The following AHRR variants were observed in gnomAD, a reference collection of about 807,000 sequenced individuals.
The protein encoded by AHRR is ahR repressor.
Under a neutral mutation model 44.0 loss-of-function variants are expected in AHRR, and 28 were observed. That is an observed-to-expected ratio of 0.64 (90% CI 0.47 to 0.87). The LOEUF is 0.87. Ranked by LOEUF, AHRR falls within the 40% of genes least tolerant of loss-of-function variation. The pLI is 0.00. For missense variants in AHRR, 990 were observed against 953.9 expected, an observed-to-expected ratio of 1.04 and a Z score of -0.50; for synonymous variants, 434 against 407.0, an observed-to-expected ratio of 1.07 and a Z score of -0.80.
chr5:407,137 TC>T (rs932034352), intron 4 of AHRR, among the ~76,000 whole-genome samples: 5 of 152,358 alleles, frequency 3.3e-5, no homozygotes, highest in African/African-American at 1.2e-4. Context: ...CTTTTTTCTT[TC>T]CTGTGCTTTT....
intron 4 of AHRR, among the ~76,000 whole-genome samples, chr5:384,777 A>G (rs1734105853): frequency 6.6e-6 from 1 of 152,250 alleles, no homozygotes; most frequent in Non-Finnish European, 1.5e-5. Flanking sequence ...ATATTTTCCC[A>G]GATACTTGCC....
intron 1 of AHRR, among the ~76,000 whole-genome samples, chr5:329,422 T>A (rs1446115434): frequency 6.6e-6 from 1 of 152,218 alleles, no homozygotes; most frequent in Non-Finnish European, 1.5e-5. Flanking sequence ...TTCAGGCTGG[T>A]CTCAAACTCC....
chr5:422,579 C>T lies in AHRR; in HGVS notation c.442-150C>T, dbSNP rs898189643. The T allele has an allele frequency of 3.0e-5, 32 of 1,065,490 alleles. No individual in the cohort carries two copies. The Middle Eastern group carries it at 2.0e-3, about 66-fold the overall frequency. 66.0% of individuals were successfully genotyped at this position (1,065,490 alleles called of 1,614,324 possible). Reference sequence around the variant, plus strand: ...CTCAGGAGGGAGTGGGGAACCGGGGCCAAGCGCCGTCTCTTCGGTGGGATT... The same window carrying T: ...CTCAGGAGGGAGTGGGGAACCGGGGTCAAGCGCCGTCTCTTCGGTGGGATT... On this transcript the variant is annotated intron_variant, in intron 5 of 10. Coordinates refer to ENST00000684583, the MANE Select transcript of AHRR (RefSeq NM_001377236.1).
At chr5:412,355 C>A (rs1735500320) in intron 4 of AHRR, among the ~76,000 whole-genome samples, 1 of 152,176 alleles carries the variant, frequency 6.6e-6, no homozygotes, top group African/African-American at 2.4e-5. Flanking sequence ...ACAAAATGTG[C>A]CCGCACTAGA....
intron 7 of AHRR, chr5:427,489 C>CCTGTGGG: frequency 1.1e-6 from 1 of 938,706 alleles, no homozygotes; most frequent in Non-Finnish European, 1.6e-6. Context: ...CCCACAGGCG[C>CCTGTGGG]AGTTCGTGCC....
intron 2 of AHRR, among the ~76,000 whole-genome samples, chr5:347,467 C>T (rs1376164676): frequency 2.6e-5 from 4 of 151,958 alleles, no homozygotes; most frequent in African/African-American, 7.3e-5. Flanking sequence ...ATTAGTTCTT[C>T]GAATACATTC....
intron 4 of AHRR, among the ~76,000 whole-genome samples, chr5:401,166 G>T (rs1348900730): frequency 6.6e-6 from 1 of 152,196 alleles, no homozygotes; most frequent in Non-Finnish European, 1.5e-5. Context: ...AACCCCTTGG[G>T]GTGCACCCCA....
intron 3 of AHRR, among the ~76,000 whole-genome samples, chr5:366,590 G>A (rs980234168): frequency 3.9e-5 from 6 of 152,164 alleles, no homozygotes; most frequent in Admixed American, 3.3e-4. Context: ...GCTAAAATTG[G>A]TGGTGAAAAT....
chr5:326,579 TA>T lies in AHRR; in HGVS notation c.-11+4761del, dbSNP rs1741720941. On this transcript the variant is annotated intron_variant, in intron 1 of 10. Transcript: ENST00000684583. This position sits in a 1 kb window ranked among gnomAD's most constrained non-coding sequence, Gnocchi z 4.1. ...AGGTTTCTGTTAGAACAAATGCTTT[TA>T]CTTCTGTTAGGTGTGTACCTAGGAG... Among the ~76,000 whole-genome samples, 1 of 152,242 alleles carries T rather than the reference TA, an allele frequency of 6.6e-6. No homozygotes were observed. The highest frequency in any genetic ancestry group is 2.1e-4 in the South Asian group (1 of 4,838).
Position 403,049 on chromosome 5 carries a change from A to G in AHRR, c.352-10295A>G, listed in dbSNP as rs76554926. Among the ~76,000 whole-genome samples the G allele has an allele frequency of 5.3e-3, 810 of 152,276 alleles. 26 individuals are homozygous for G. The highest frequency in any genetic ancestry group is 0.042 in the Admixed American group (642 of 15,288). Reference sequence around the variant, plus strand: ...GGCCGGGGGTGTGGGAGGGGGATAAAGAAGGAAGGAAGGAAATGGACACGC... The same window carrying G: ...GGCCGGGGGTGTGGGAGGGGGATAAGGAAGGAAGGAAGGAAATGGACACGC... On this transcript the variant is annotated intron_variant, in intron 4 of 10. Coordinates refer to ENST00000684583, the MANE Select transcript of AHRR (RefSeq NM_001377236.1).
chr5:433,086 A>G (rs1736815111), intron 10 of AHRR, 139 bp downstream of exon 10: 2 of 1,097,180 alleles, frequency 1.8e-6, no homozygotes, highest in African/African-American at 3.2e-5. Context: ...AGCCACAGCT[A>G]ACCTTACTCT....
At chr5:393,397 T>C (rs1734561086) in intron 4 of AHRR, among the ~76,000 whole-genome samples, 2 of 152,232 alleles carry the variant, frequency 1.3e-5, no homozygotes, top group African/African-American at 4.8e-5. Context: ...AGTGTTCCTC[T>C]AGCAGTCTGC....
intron 2 of AHRR, among the ~76,000 whole-genome samples, 168 bp from the exon 3 acceptor site, chr5:353,562 T>C (rs3936676): frequency 0.066 from 10,098 of 152,274 alleles, 463 homozygotes; most frequent in African/African-American, 0.12. Context: ...CTGTGGTTTT[T>C]AGTGTCTATG....
intron 5 of AHRR, among the ~76,000 whole-genome samples, chr5:417,078 A>G (rs1735855829): frequency 2.0e-5 from 3 of 151,194 alleles, no homozygotes; most frequent in African/African-American, 7.3e-5. Context: ...CCGAGTCTAG[A>G]GAAGGCCGCT....
At chr5:421,725 T>C (rs10070697) in intron 5 of AHRR, among the ~76,000 whole-genome samples, 13,038 of 152,192 alleles carry the variant, frequency 0.086, 1,364 homozygotes, top group African/African-American at 0.25. Flanking sequence ...CCAGCCCCTT[T>C]AGTGAGGGCC....
intron 4 of AHRR, among the ~76,000 whole-genome samples, chr5:408,886 T>A (rs1735370648): frequency 2.0e-5 from 3 of 152,230 alleles, no homozygotes. Flanking sequence ...GCTTGGTATC[T>A]CTAATGGGGT....
intron 3 of AHRR, among the ~76,000 whole-genome samples, chr5:366,432 A>AAGTG (rs1409844411): frequency 1.3e-5 from 1 of 75,300 alleles, no homozygotes; most frequent in Non-Finnish European, 3.0e-5. Context: ...ACATTTATAT[A>AAGTG]AATGAATGAA....
chr5:403,681 T>G, intron 4 of AHRR: 4 of 678,152 alleles, frequency 5.9e-6, no homozygotes, highest in East Asian at 2.7e-5. Flanking sequence ...GTTAAAATGG[T>G]ATTTTTTTTT....
intron 3 of AHRR, among the ~76,000 whole-genome samples, chr5:367,034 G>T (rs1047663286): frequency 2.6e-5 from 4 of 152,238 alleles, no homozygotes; most frequent in Non-Finnish European, 5.9e-5. Flanking sequence ...CTGTGGACAA[G>T]GGGTATCTGG....
Sources: gnomAD v4.1 joint callset for allele counts (sites outside exome capture counted in the v4.1 genomes callset) on GRCh38, gnomAD v4.1.1 for gene constraint, Gnocchi (gnomAD v3.1) non-coding constraint, MANE v1.5 for transcripts, NCBI Gene and HGNC (gene_info 2026-07-23, HGNC 2026-07-21) for gene names.